The following RGS7 variants were observed in gnomAD, a reference collection of about 807,000 sequenced individuals.
RGS7 encodes regulator of G protein signaling 7.
Under a neutral mutation model 81.1 loss-of-function variants are expected in RGS7, and 27 were observed. The ratio of observed to expected loss-of-function variants is 0.33; its 90% CI spans 0.25 to 0.46. The LOEUF (loss-of-function observed/expected upper bound fraction) is 0.46. Ranked by LOEUF, RGS7 falls within the 20% of genes least tolerant of loss-of-function variation. The pLI is 1.00. For synonymous variants in RGS7, 208 were observed against 207.7 expected (o/e 1.00, Z -0.01); for missense variants, 396 against 607.4 (o/e 0.65, Z 3.66).
chr1:240,774,767 A>G (rs1682754549), downstream of RGS7, among the ~76,000 whole-genome samples: 1 of 152,200 alleles, frequency 6.6e-6, no homozygotes, highest in African/African-American at 2.4e-5. Context: ...AAATTTTACT[A>G]ATTACATCAC....
intron 2 of RGS7, among the ~76,000 whole-genome samples, chr1:241,117,554 C>T (rs1181277228): frequency 6.6e-6 from 1 of 152,088 alleles, no homozygotes; most frequent in Non-Finnish European, 1.5e-5. Flanking sequence ...GCTTTGAACA[C>T]TGAGTGCAAA....
chr1:240,929,519 T>G (rs1289898263), intron 6 of RGS7, among the ~76,000 whole-genome samples: 1 of 152,212 alleles, frequency 6.6e-6, no homozygotes, highest in African/African-American at 2.4e-5. Context: ...CTCTTTTGAC[T>G]AGAGCCTGAC....
intron 2 of RGS7, among the ~76,000 whole-genome samples, chr1:241,289,505 A>G (rs1358722763): frequency 6.6e-6 from 1 of 152,198 alleles, no homozygotes; most frequent in East Asian, 1.9e-4. Flanking sequence ...TGCCCCAACC[A>G]AAAATCAGGT....
intron 3 of RGS7, among the ~76,000 whole-genome samples, chr1:240,988,222 T>A (rs1685957556): frequency 6.6e-6 from 1 of 150,386 alleles, no homozygotes; most frequent in South Asian, 2.1e-4. Flanking sequence ...TCAGCTCTAA[T>A]GGTGACTCCA....
intron 2 of RGS7, among the ~76,000 whole-genome samples, chr1:241,339,022 A>G (rs2082390244): frequency 1.3e-5 from 2 of 152,028 alleles, no homozygotes; most frequent in African/African-American, 4.8e-5. Flanking sequence ...TGCATTAGCT[A>G]TTTATCCTGA....
chr1:241,196,991 TAA>T (rs34557484), intron 2 of RGS7, among the ~76,000 whole-genome samples: 227 of 132,588 alleles, frequency 1.7e-3, no homozygotes, highest in East Asian at 2.6e-3. Context: ...CAAAAGAATG[TAA>T]AAAAAAAAAA....
At position 240,868,570 on chromosome 1, in the gene RGS7, G is replaced by A. The variant is rs1432730509; in HGVS notation, c.609+17C>T. 6.2e-7 allele frequency: 1 copy of A among 1,612,156 alleles called. No individual in the cohort carries two copies. On this transcript the variant is annotated intron_variant, in intron 9 of 18. Transcript: ENST00000440928. This position sits in a 1 kb window ranked among gnomAD's most constrained non-coding sequence, Gnocchi z 5.1. Reference sequence around the variant, plus strand: ...CGGAGAAGATGGATTCAAGACGAGAGTGCGACGCTTGCTTACCACGGGCCT... The same window carrying A: ...CGGAGAAGATGGATTCAAGACGAGAATGCGACGCTTGCTTACCACGGGCCT...
rs1245154055 is a variant in RGS7 at position 241,002,368 on chromosome 1, G to C, written c.176-19239C>G. Among the ~76,000 whole-genome samples, 4 of 151,808 alleles carry C rather than the reference G, an allele frequency of 2.6e-5. No individual in the cohort carries two copies. The East Asian group carries it at 5.8e-4, about 22-fold the overall frequency. ...CTTGGGAGGCTGAGGCATGGGAATGGCTTGAACCCGGGAGGCGTAGGTTGC... is the reference window on the plus strand; with the variant it reads ...CTTGGGAGGCTGAGGCATGGGAATGCCTTGAACCCGGGAGGCGTAGGTTGC... On this transcript the variant is annotated intron_variant, in intron 3 of 18. Transcript: ENST00000440928.
chr1:241,142,171 T>G (rs1244845617), intron 2 of RGS7, among the ~76,000 whole-genome samples: 1 of 152,218 alleles, frequency 6.6e-6, no homozygotes, highest in Admixed American at 6.5e-5. Context: ...ACAACCTCCC[T>G]CCTGGCTGCT....
At chr1:241,039,461 G>A (rs1433136289) in intron 3 of RGS7, among the ~76,000 whole-genome samples, 1 of 152,086 alleles carries the variant, frequency 6.6e-6, no homozygotes, top group African/African-American at 2.4e-5. Flanking sequence ...GCACATGGGT[G>A]GTTTATAGGT....
chr1:240,889,881 G>A (rs207461321), intron 6 of RGS7, among the ~76,000 whole-genome samples: 2 of 152,048 alleles, frequency 1.3e-5, no homozygotes, highest in Non-Finnish European at 2.9e-5. Flanking sequence ...CATCGCATGC[G>A]CACACTAGAG....
chr1:240,843,928 T>C (rs1658583999), intron 9 of RGS7, among the ~76,000 whole-genome samples: 1 of 152,118 alleles, frequency 6.6e-6, no homozygotes, highest in Admixed American at 6.5e-5. Context: ...TAATGACTGC[T>C]CTCTGTGAAA....
At chr1:241,083,409 T>C (rs2063262210) in intron 3 of RGS7, among the ~76,000 whole-genome samples, 1 of 152,110 alleles carries the variant, frequency 6.6e-6, no homozygotes, top group African/African-American at 2.4e-5. Flanking sequence ...TAACAACCAT[T>C]AGGGGAATAT....
intron 3 of RGS7, chr1:240,998,862 G>T: frequency 2.1e-6 from 1 of 469,214 alleles, no homozygotes. Flanking sequence ...GGCAGCTGAG[G>T]AAAGGTTCTT....
chr1:241,127,291 G>T (rs895676474), intron 2 of RGS7, among the ~76,000 whole-genome samples: 2 of 152,106 alleles, frequency 1.3e-5, no homozygotes, highest in Non-Finnish European at 2.9e-5. Flanking sequence ...AATATAAAAA[G>T]TAACCATATA....
intron 2 of RGS7, among the ~76,000 whole-genome samples, chr1:241,214,766 T>C (rs1558196490): frequency 6.6e-6 from 1 of 152,176 alleles, no homozygotes; most frequent in Non-Finnish European, 1.5e-5. Flanking sequence ...GCTTCTTTTG[T>C]TGTGTCTGGT....
intron 2 of RGS7, among the ~76,000 whole-genome samples, chr1:241,196,471 T>C (rs956002320): frequency 1.3e-4 from 20 of 152,062 alleles, no homozygotes; most frequent in African/African-American, 4.8e-4. Flanking sequence ...TTAAAAATAT[T>C]TGACCAGCTA....
At chr1:241,259,667 A>AAAAAAAAAAAAAAAAAAAAAAAAAAAT in intron 2 of RGS7, among the ~76,000 whole-genome samples, 5 of 49,142 alleles carry the variant, frequency 1.0e-4, no homozygotes, top group Non-Finnish European at 1.1e-4. Flanking sequence ...AAAAAAAAAA[A>AAAAAAAAAAAAAAAAAAAAAAAAAAAT]ATATATATAT....
intron 2 of RGS7, among the ~76,000 whole-genome samples, chr1:241,149,933 G>T (rs1350576225): frequency 2.0e-5 from 3 of 152,006 alleles, no homozygotes; most frequent in Non-Finnish European, 4.4e-5. Flanking sequence ...GTGCCACCAT[G>T]CCCGGCTAAT....
Sources: allele counts gnomAD v4.1 joint callset (sites outside exome capture counted in the v4.1 genomes callset), GRCh38; gene constraint gnomAD v4.1.1; non-coding constraint Gnocchi (gnomAD v3.1); transcripts MANE v1.5; gene names NCBI Gene and HGNC (gene_info 2026-07-23, HGNC 2026-07-21).